Variants in MAGI2 observed in about 807,000 individuals in gnomAD.
The protein encoded by MAGI2 is membrane-associated guanylate kinase, WW and PDZ domain-containing protein 2.
A neutral mutation model predicts 133.3 loss-of-function variants in MAGI2; 35 were observed. The ratio of observed to expected loss-of-function variants is 0.26; its 90% CI spans 0.20 to 0.35. The LOEUF is 0.35. MAGI2 is among the 10% of genes least tolerant of loss of function. MAGI2 has a pLI of 1.00. For synonymous variants in MAGI2, 729 were observed against 710.6 expected (o/e 1.03, Z -0.41); for missense variants, 1,636 against 1,863.4 (o/e 0.88, Z 2.25).
At chr7:78,020,099 C>G (rs975817941) in intron 21 of MAGI2, 123 bp from the exon 22 acceptor site, 168 of 756,082 alleles carry the variant, frequency 2.2e-4, no homozygotes, top group Non-Finnish European at 3.3e-4. Context: ...CCACCGCCGC[C>G]CCCACCCCCA....
chr7:79,202,507 T>C (rs983081182), intron 1 of MAGI2, among the ~76,000 whole-genome samples: 1 of 152,018 alleles, frequency 6.6e-6, no homozygotes, highest in Non-Finnish European at 1.5e-5. Context: ...TATTAGTTAC[T>C]GTGAGTTACG....
At chr7:78,207,747 G>C (rs1194555831) in intron 10 of MAGI2, among the ~76,000 whole-genome samples, 5 of 152,188 alleles carry the variant, frequency 3.3e-5, no homozygotes, top group African/African-American at 9.7e-5. Flanking sequence ...CTTAGCAAGA[G>C]TGGAAGACAC....
chr7:78,667,236 C>A (rs892696110), intron 2 of MAGI2, among the ~76,000 whole-genome samples: 2 of 152,036 alleles, frequency 1.3e-5, no homozygotes, highest in East Asian at 3.9e-4. Flanking sequence ...TATGTCCACA[C>A]CCCTGCCCAA....
chr7:78,334,208 G>A (rs962327913), intron 9 of MAGI2, among the ~76,000 whole-genome samples: 10 of 152,154 alleles, frequency 6.6e-5, no homozygotes, highest in African/African-American at 2.4e-4. Flanking sequence ...GGGGTAGAGT[G>A]GGAAATCACT....
At chr7:78,500,830 T>C (rs989925241) in intron 5 of MAGI2, among the ~76,000 whole-genome samples, 1 of 152,198 alleles carries the variant, frequency 6.6e-6, no homozygotes, top group Non-Finnish European at 1.5e-5. Flanking sequence ...GGCTCACCCC[T>C]GTAATCCCAG....
intron 2 of MAGI2, among the ~76,000 whole-genome samples, chr7:78,894,479 G>T (rs908020551): frequency 1.3e-5 from 2 of 152,042 alleles, no homozygotes; most frequent in Admixed American, 1.3e-4. Flanking sequence ...TTTTCTAAAG[G>T]AAAAATAATT....
rs1848218147 is a variant in MAGI2 at position 79,437,376 on chromosome 7, T to C, written c.301+15644A>G. ...TTTAAAAGAAGATATTTTTCTTTTT[T>C]AAAAAATTGAAATTGTATATCTTTA... On this transcript the variant is annotated intron_variant, in intron 1 of 21. Coordinates refer to ENST00000354212, the MANE Select transcript of MAGI2 (RefSeq NM_012301.4). Among the ~76,000 whole-genome samples the C allele has an allele frequency of 2.0e-5, 3 of 152,134 alleles. No homozygotes were observed. The South Asian group carries it at 6.2e-4, about 31-fold the overall frequency.
chr7:79,101,934 T>TAGGAAATATATGATATATATTTC (rs1229463126), intron 1 of MAGI2, among the ~76,000 whole-genome samples: 13 of 151,948 alleles, frequency 8.6e-5, no homozygotes, highest in Admixed American at 3.9e-4. Context: ...CCATATATTT[T>TAGGAAATATATGATATATATTTC]AGGAAATATA....
intron 1 of MAGI2, among the ~76,000 whole-genome samples, chr7:79,334,274 T>C (rs1840280441): frequency 6.6e-6 from 1 of 152,146 alleles, no homozygotes. Context: ...CATTTCCAAG[T>C]GTCTGGTATA....
At chr7:78,700,524 A>G (rs897799772) in intron 2 of MAGI2, among the ~76,000 whole-genome samples, 14 of 152,100 alleles carry the variant, frequency 9.2e-5, no homozygotes, top group Non-Finnish European at 4.4e-5. Flanking sequence ...TCATCTTTTA[A>G]GGTTTTAGTA....
intron 3 of MAGI2, among the ~76,000 whole-genome samples, chr7:78,612,965 A>C (rs1280858230): frequency 6.6e-6 from 1 of 152,206 alleles, no homozygotes; most frequent in Non-Finnish European, 1.5e-5. Flanking sequence ...CCACCGCGCC[A>C]GGCCGAAAAT....
intron 1 of MAGI2, among the ~76,000 whole-genome samples, chr7:79,163,093 C>T (rs930915598): frequency 2.0e-5 from 3 of 152,072 alleles, no homozygotes; most frequent in African/African-American, 7.2e-5. Flanking sequence ...CCTTTTCTCT[C>T]CCCAAAACAT....
intron 16 of MAGI2, among the ~76,000 whole-genome samples, chr7:78,154,025 T>C (rs531725656): frequency 1.8e-4 from 28 of 152,328 alleles, no homozygotes; most frequent in Non-Finnish European, 4.0e-4. Flanking sequence ...GATTATTCAG[T>C]GTTTGCATGG....
chr7:78,616,840 T>TA (rs914471046), intron 3 of MAGI2: 3 of 152,114 alleles, frequency 2.0e-5, no homozygotes, highest in African/African-American at 7.2e-5. Flanking sequence ...GAAACTTAGG[T>TA]ATTCATCCAT....
chr7:78,964,527 CA>C (rs1295577729), intron 2 of MAGI2, among the ~76,000 whole-genome samples: 6 of 151,940 alleles, frequency 3.9e-5, no homozygotes, highest in Non-Finnish European at 2.9e-5. Context: ...TTTTTACAGA[CA>C]GCATTATTTA....
intron 20 of MAGI2, among the ~76,000 whole-genome samples, chr7:78,081,230 A>G (rs1323467235): frequency 6.6e-6 from 1 of 152,188 alleles, no homozygotes; most frequent in African/African-American, 2.4e-5. Flanking sequence ...ATTATGCCTC[A>G]TTACAGATTC....
At chr7:78,979,989 C>T (rs1000653091) in intron 2 of MAGI2, among the ~76,000 whole-genome samples, 1 of 151,838 alleles carries the variant, frequency 6.6e-6, no homozygotes, top group African/African-American at 2.4e-5. Flanking sequence ...CCTTGGGTCA[C>T]TCAGCTCATA....
chr7:78,338,814 A>G (rs1790045943), intron 9 of MAGI2, among the ~76,000 whole-genome samples: 2 of 152,332 alleles, frequency 1.3e-5, no homozygotes, highest in African/African-American at 2.4e-5. Flanking sequence ...AAAGCCTAAT[A>G]AAATTATACA....
intron 1 of MAGI2, among the ~76,000 whole-genome samples, chr7:79,220,397 C>A (rs1490142315): frequency 1.3e-5 from 2 of 151,976 alleles, no homozygotes; most frequent in East Asian, 3.9e-4. Flanking sequence ...GACAATATTT[C>A]ATTTAAAACT....
Sources: allele counts gnomAD v4.1 joint callset (sites outside exome capture counted in the v4.1 genomes callset), GRCh38; gene constraint gnomAD v4.1.1; transcripts MANE v1.5; gene names NCBI Gene and HGNC (gene_info 2026-07-23, HGNC 2026-07-21).